DLGAP2: variants seen among roughly 807,000 people sequenced by gnomAD.
The protein encoded by DLGAP2 is DLG associated protein 2, also known as disks large-associated protein 2.
DLGAP2 carries 26 observed loss-of-function variants against 100.3 expected under a neutral mutation model. The ratio of observed to expected loss-of-function variants is 0.26; its 90% CI spans 0.19 to 0.36. DLGAP2 has a LOEUF of 0.36. DLGAP2 is among the 10% of genes least tolerant of loss of function. The pLI, the probability that DLGAP2 is intolerant of heterozygous loss-of-function variation, is 1.00. For missense variants in DLGAP2, 1,858 were observed against 1,453.2 expected (o/e 1.28, Z -4.53); for synonymous variants, 886 against 630.1 (o/e 1.41, Z -6.08).
rs369117757 is a variant in DLGAP2 at position 1,653,101 on chromosome 8, G to A, written c.1811-15228G>A. Among the ~76,000 whole-genome samples, 19 of 152,334 alleles carry A rather than the reference G, an allele frequency of 1.2e-4. No individual in the cohort carries two copies. In the East Asian group the frequency reaches 2.3e-3, roughly 19 times the overall value. Reference sequence around the variant, plus strand: ...ACACATCTATTTCGACGATTAGGATGAAGAAGGAGTGCCCAGTTGCTGCCA... The same window carrying A: ...ACACATCTATTTCGACGATTAGGATAAAGAAGGAGTGCCCAGTTGCTGCCA... On this transcript the variant is annotated intron_variant, in intron 8 of 14. Coordinates refer to ENST00000637795, the MANE Select transcript of DLGAP2 (RefSeq NM_001346810.2).
chr8:1,010,959 G>A (rs918009860), intron 2 of DLGAP2, among the ~76,000 whole-genome samples: 1 of 143,442 alleles, frequency 7.0e-6, no homozygotes. Context: ...AACCCCGGGC[G>A]AGGGGCCTCA....
chr8:1,434,617 C>T (rs1407868413), intron 3 of DLGAP2, among the ~76,000 whole-genome samples: 1 of 152,134 alleles, frequency 6.6e-6, no homozygotes, highest in Admixed American at 6.5e-5. Flanking sequence ...GCTGGGACTA[C>T]AGGCGTGCGC....
chr8:1,229,635 A>T (rs971624290), intron 2 of DLGAP2, among the ~76,000 whole-genome samples: 3 of 152,190 alleles, frequency 2.0e-5, no homozygotes, highest in Non-Finnish European at 4.4e-5. Flanking sequence ...ACAAAATACT[A>T]ATAAAACCAA....
chr8:803,417 T>C (rs1376903924), intron 1 of DLGAP2, among the ~76,000 whole-genome samples: 4 of 152,178 alleles, frequency 2.6e-5, no homozygotes, highest in Non-Finnish European at 5.9e-5. Flanking sequence ...TTGTCTTTTT[T>C]CCACTGTTTA....
intron 2 of DLGAP2, among the ~76,000 whole-genome samples, chr8:1,235,555 ATGTCTAGTTCTCTCACAT>A (rs1798633861): frequency 9.3e-6 from 1 of 107,056 alleles, no homozygotes; most frequent in Non-Finnish European, 1.8e-5. Flanking sequence ...ACATGGCGCC[ATGTCTAGTTCTCTCACAT>A]GGCACCATGT....
At chr8:1,480,288 A>T (rs539416446) in intron 3 of DLGAP2, among the ~76,000 whole-genome samples, 1 of 152,248 alleles carries the variant, frequency 6.6e-6, no homozygotes, top group Non-Finnish European at 1.5e-5. Context: ...CATGTGATTT[A>T]AATGGATTTG....
intron 2 of DLGAP2, among the ~76,000 whole-genome samples, chr8:1,173,877 C>G (rs1797189802): frequency 6.6e-6 from 1 of 152,244 alleles, no homozygotes; most frequent in Non-Finnish European, 1.5e-5. Context: ...CCGCACGGTG[C>G]ACGCACCCAC....
chr8:982,312 C>T (rs960892731), intron 2 of DLGAP2, among the ~76,000 whole-genome samples: 14 of 152,196 alleles, frequency 9.2e-5, no homozygotes, highest in Admixed American at 3.3e-4. Context: ...TCAGCATGTG[C>T]GACAGTTTTT....
At chr8:786,718 C>G (rs1340602686) in intron 1 of DLGAP2, among the ~76,000 whole-genome samples, 1 of 151,884 alleles carries the variant, frequency 6.6e-6, no homozygotes. Flanking sequence ...GGGAGAGTTT[C>G]CCTGTTAGCA....
chr8:1,027,939 C>G (rs1220245248), intron 2 of DLGAP2, among the ~76,000 whole-genome samples: 1 of 145,770 alleles, frequency 6.9e-6, no homozygotes, highest in Non-Finnish European at 1.5e-5. Context: ...CTGTTATTCT[C>G]CAGGTGCGGT....
intron 2 of DLGAP2, among the ~76,000 whole-genome samples, chr8:1,113,028 A>G (rs910858714): frequency 6.6e-6 from 1 of 151,916 alleles, no homozygotes; most frequent in Non-Finnish European, 1.5e-5. Flanking sequence ...GTGTAACCTT[A>G]TTTTTGGGCT....
At chr8:1,160,263 C>T (rs73530477) in intron 2 of DLGAP2, among the ~76,000 whole-genome samples, 3,274 of 152,254 alleles carry the variant, frequency 0.022, 106 homozygotes, top group African/African-American at 0.074. Flanking sequence ...CATGGAACCA[C>T]GGCTTTGACA....
At chr8:1,118,281 T>C (rs577614928) in intron 2 of DLGAP2, among the ~76,000 whole-genome samples, 21 of 152,336 alleles carry the variant, frequency 1.4e-4, no homozygotes, top group Admixed American at 5.9e-4. Flanking sequence ...ACTCTGGTGC[T>C]GATTCCAGCA....
chr8:1,646,091 G>A (rs1585028934), intron 8 of DLGAP2, among the ~76,000 whole-genome samples: 1 of 152,314 alleles, frequency 6.6e-6, no homozygotes, highest in Non-Finnish European at 1.5e-5. Flanking sequence ...TATTGTGGGT[G>A]TGTCTGAGAG....
At chr8:878,487 G>C (rs939764821) in intron 1 of DLGAP2, among the ~76,000 whole-genome samples, 6 of 152,178 alleles carry the variant, frequency 3.9e-5, no homozygotes, top group Admixed American at 3.9e-4. Flanking sequence ...GGATGAATGA[G>C]AGAGTATATT....
At chr8:1,509,935 G>C (rs4876077) in intron 4 of DLGAP2, among the ~76,000 whole-genome samples, 22,885 of 152,158 alleles carry the variant, frequency 0.15, 1,881 homozygotes, top group Non-Finnish European at 0.16. Context: ...TCTGGAGGAC[G>C]CGGCCGCGGA....
Position 1,417,730 on chromosome 8 carries a change from C to T in DLGAP2, c.107-83636C>T, listed in dbSNP as rs889539868. Among the ~76,000 whole-genome samples the T allele has an allele frequency of 3.0e-3, 34 of 11,470 alleles. 2 individuals carry two copies. The highest frequency in any genetic ancestry group is 5.9e-3 in the Non-Finnish European group (30 of 5,070). The allele number at this position is 11,470 out of a possible 152,430, so 7.5% of individuals were successfully genotyped here. ...GCCTCACTCGGCGAGGCTCCAGACA[C>T]AGAAGCCCACGGAGACCTATGAACG... On this transcript the variant is annotated intron_variant, in intron 3 of 14. Transcript: ENST00000637795.
intron 2 of DLGAP2, among the ~76,000 whole-genome samples, chr8:1,008,318 C>G (rs1801179348): frequency 6.6e-6 from 1 of 152,154 alleles, no homozygotes; most frequent in Non-Finnish European, 1.5e-5. Flanking sequence ...CTTTGTTTAC[C>G]TTCCTTTGCA....
At chr8:1,167,702 C>G (rs1797046105) in intron 2 of DLGAP2, among the ~76,000 whole-genome samples, 1 of 152,154 alleles carries the variant, frequency 6.6e-6, no homozygotes, top group African/African-American at 2.4e-5. Flanking sequence ...TTATGGAAAT[C>G]TGGAACTTCT....
Sources: gnomAD v4.1 joint callset for allele counts (sites outside exome capture counted in the v4.1 genomes callset) on GRCh38, gnomAD v4.1.1 for gene constraint, MANE v1.5 for transcripts, NCBI Gene and HGNC (gene_info 2026-07-23, HGNC 2026-07-21) for gene names.